Variants in TTLL9 observed in about 807,000 individuals in gnomAD.
TTLL9 encodes the protein tubulin tyrosine ligase like 9, also known as probable tubulin polyglutamylase TTLL9.
A neutral mutation model predicts 65.6 loss-of-function variants in TTLL9; 47 were observed. The ratio of observed to expected loss-of-function variants is 0.72; its 90% CI spans 0.57 to 0.91. TTLL9 has a LOEUF of 0.91. Ranked by LOEUF, TTLL9 falls within the 40% of genes least tolerant of loss-of-function variation. The pLI is 0.00. For synonymous variants in TTLL9, 179 were observed against 204.8 expected (o/e 0.87, Z 1.07); for missense variants, 537 against 568.8 (o/e 0.94, Z 0.57).
intron 4 of TTLL9, among the ~76,000 whole-genome samples, chr20:31,903,163 C>T (rs2063502110): frequency 6.6e-6 from 1 of 152,068 alleles, no homozygotes; most frequent in African/African-American, 2.4e-5. Context: ...AGCCACCGTA[C>T]CCACCCTCAC....
intron 2 of TTLL9, chr20:31,879,578 A>T: frequency 2.5e-6 from 1 of 405,648 alleles, no homozygotes; most frequent in Non-Finnish European, 4.5e-6. Flanking sequence ...CAGTTTAAGG[A>T]AAGTGCAGTT....
intron 2 of TTLL9, among the ~76,000 whole-genome samples, chr20:31,872,513 C>CAA (rs370298785): frequency 1.4e-4 from 16 of 118,460 alleles, no homozygotes; most frequent in Non-Finnish European, 2.8e-4. Context: ...CCTGCTTTTA[C>CAA]AAAAAAAAAA....
Position 31,934,765 on chromosome 20 carries a change from T to C in TTLL9, c.881T>C (p.Leu294Pro). The C allele has an allele frequency of 6.2e-7, 1 of 1,613,396 alleles. No homozygotes were observed. The highest frequency in any genetic ancestry group is 8.5e-7 in the Non-Finnish European group (1 of 1,180,010). ...SKHGPEAVET[L>P]FRDIDNIFVK... ...CACGGGCCCGAGGCAGTGGAGACAC[T>C]CTTCAGGGACATCGACAACATCTTT... The change falls in exon 12 of 15, where the codon CTC becomes CCC. Residue 294 changes from leucine (L) to proline (P), a missense_variant. Physicochemically the swap from Leu to Pro is moderately conservative, Grantham distance 98. Transcript: ENST00000535842.
At chr20:31,885,404 T>C (rs531749337) in intron 2 of TTLL9, among the ~76,000 whole-genome samples, 13 of 152,180 alleles carry the variant, frequency 8.5e-5, no homozygotes, top group Non-Finnish European at 1.8e-4. Context: ...AATTGAATTG[T>C]GACAGACGTG....
In TTLL9 at chr20:31,909,890, A is replaced by C; in HGVS notation, c.472A>C (p.Lys158Gln). The C allele has an allele frequency of 6.2e-7, 1 of 1,614,130 alleles. No homozygotes were observed. ...EYHLFVEEFRKNPGITWIMKP... is the reference protein window; with the variant it reads ...EYHLFVEEFRQNPGITWIMKP... ...CCACCTGTTTGTAGAGGAGTTTCGC[A>C]AAAACCCAGGAATCACCTGGATCAT... The change falls in exon 6 of 15, where the codon AAA (lysine) becomes CAA (glutamine). Residue 158 changes from lysine to glutamine, a missense_variant. Physicochemically the swap from Lys to Gln is moderately conservative, Grantham distance 53 (BLOSUM62 1). Around this residue, in one of 3 missense-constraint regions of TTLL9, gnomAD observed 320 missense variants for 311.0 expected, o/e 1.03. Transcript: ENST00000535842.
At position 31,888,939 on chromosome 20, in the gene TTLL9, A is replaced by T. The variant is rs115258652; in HGVS notation, c.113+1700A>T. On this transcript the variant is annotated intron_variant, in intron 3 of 14. Coordinates refer to ENST00000535842, the MANE Select transcript of TTLL9 (RefSeq NM_001008409.5). ...TTTCAGGATCCAACCACCTCCCACCAGGCCCCACTTTCAACATTGAGAATC... is the reference window on the plus strand; with the variant it reads ...TTTCAGGATCCAACCACCTCCCACCTGGCCCCACTTTCAACATTGAGAATC... 4.2e-3 allele frequency among the ~76,000 whole-genome samples: 638 copies of T among 152,198 alleles called. 6 individuals carry two copies. The highest frequency in any genetic ancestry group is 0.015 in the African/African-American group (605 of 41,540).
intron 6 of TTLL9, among the ~76,000 whole-genome samples, chr20:31,916,791 C>T (rs761450334): frequency 1.3e-5 from 2 of 152,210 alleles, no homozygotes; most frequent in African/African-American, 2.4e-5. Context: ...TCTTCCCGAT[C>T]CCCTTTCTCC....
At chr20:31,887,378 T>C in intron 3 of TTLL9, 139 bp downstream of exon 3, 2 of 982,490 alleles carry the variant, frequency 2.0e-6, no homozygotes, top group Non-Finnish European at 3.1e-6. Flanking sequence ...TAAACCATTA[T>C]TGAGCACTTA....
At chr20:31,903,913 T>C (rs2063513022) in intron 4 of TTLL9, among the ~76,000 whole-genome samples, 1 of 152,258 alleles carries the variant, frequency 6.6e-6, no homozygotes. Flanking sequence ...CTTTTTCTGT[T>C]CCAGAATCCA....
At chr20:31,924,725 A>G (rs2063869024) in intron 8 of TTLL9, among the ~76,000 whole-genome samples, 1 of 152,146 alleles carries the variant, frequency 6.6e-6, no homozygotes, top group Non-Finnish European at 1.5e-5. Flanking sequence ...CTGAGACTAC[A>G]GATGTGCACC....
intron 2 of TTLL9, among the ~76,000 whole-genome samples, chr20:31,884,770 G>A (rs1394473193): frequency 6.6e-6 from 1 of 152,118 alleles, no homozygotes; most frequent in Non-Finnish European, 1.5e-5. Flanking sequence ...ATTACATTGG[G>A]CCTGCCCAAA....
At chr20:31,888,285 C>T (rs2063228861) in intron 3 of TTLL9, among the ~76,000 whole-genome samples, 1 of 152,142 alleles carries the variant, frequency 6.6e-6, no homozygotes, top group African/African-American at 2.4e-5. Flanking sequence ...ATCTTCTTTG[C>T]CTTCTTTCTC....
At position 31,871,032 on chromosome 20, in the gene TTLL9, C is replaced by T. The variant is rs1207765059; in HGVS notation, c.-6+83C>T. On this transcript the variant is annotated intron_variant, in intron 1 of 14. Transcript: ENST00000535842. Reference sequence around the variant, plus strand: ...GCCTTCCTCCTTTCCCATCCATTCTCCCACCCTCCTGTTCACTCATTCACT... The same window carrying T: ...GCCTTCCTCCTTTCCCATCCATTCTTCCACCCTCCTGTTCACTCATTCACT... 5 of 1,235,548 alleles carry T rather than the reference C, an allele frequency of 4.0e-6. No individual in the cohort carries two copies. The African/African-American group carries it at 4.4e-5, about 11-fold the overall frequency. The allele number at this position is 1,235,548 out of a possible 1,614,324, so 76.5% of individuals were successfully genotyped here. A position where few individuals can be genotyped will look rare whatever the true frequency, so the allele number is the denominator to read the frequency against.
intron 13 of TTLL9, 67 bp from the exon 14 acceptor site, chr20:31,939,066 ATCAGGGACC>A: frequency 6.8e-7 from 1 of 1,473,994 alleles, no homozygotes; most frequent in Non-Finnish European, 9.0e-7. Context: ...TCAGGGAGAG[ATCAGGGACC>A]TCACTTGGGT....
chr20:31,887,542 T>C (rs954464529), intron 3 of TTLL9, among the ~76,000 whole-genome samples: 6 of 152,190 alleles, frequency 3.9e-5, no homozygotes, highest in African/African-American at 1.4e-4. Flanking sequence ...GATCACATGA[T>C]CAGTTAGGGG....
At chr20:31,933,778 C>G (rs758212760) in intron 10 of TTLL9, 22 bp from the exon 11 acceptor site, 1 of 1,612,976 alleles carries the variant, frequency 6.2e-7, no homozygotes, top group South Asian at 1.1e-5. Context: ...CACGCTGACC[C>G]TTGACCACCA....
intron 4 of TTLL9, 49 bp from the exon 5 acceptor site, chr20:31,908,542 C>CA: frequency 7.2e-7 from 1 of 1,398,504 alleles, no homozygotes; most frequent in Non-Finnish European, 1.0e-6. Context: ...CCTGCAGTGC[C>CA]AAGGTCCTCA....
rs138216212 is a variant in TTLL9 at position 31,925,924 on chromosome 20, A to G, written c.706-125A>G. 12 of 1,554,630 alleles carry G rather than the reference A, an allele frequency of 7.7e-6. No individual in the cohort carries two copies. The African/African-American group carries it at 1.1e-4, about 14-fold the overall frequency. Reference sequence around the variant, plus strand: ...CCGGGATGGCTTTGCCCGATTCTCCAACACCCGCTTCACACTGAACAGCAT... The same window carrying G: ...CCGGGATGGCTTTGCCCGATTCTCCGACACCCGCTTCACACTGAACAGCAT... On this transcript the variant is annotated intron_variant, in intron 9 of 14. Transcript: ENST00000535842.
chr20:31,892,234 C>T (rs1326053821), intron 3 of TTLL9, among the ~76,000 whole-genome samples: 1 of 150,744 alleles, frequency 6.6e-6, no homozygotes, highest in African/African-American at 2.4e-5. Context: ...GGCTGGAGTG[C>T]ACTGGTGTGA....
Sources: gnomAD v4.1 joint callset for allele counts (sites outside exome capture counted in the v4.1 genomes callset) on GRCh38, gnomAD v4.1.1 for gene constraint, gnomAD v4.1.1 regional missense constraint, MANE v1.5 for transcripts, NCBI Gene and HGNC (gene_info 2026-07-23, HGNC 2026-07-21) for gene names.